Variants in CTNNA2 observed in about 807,000 individuals in gnomAD.
CTNNA2 encodes the protein catenin alpha-2.
A neutral mutation model predicts 101.0 loss-of-function variants in CTNNA2; 42 were observed. The observed-to-expected ratio is 0.42, with a 90% CI of 0.32 to 0.54. The LOEUF (loss-of-function observed/expected upper bound fraction) is 0.54. Ranked by LOEUF, CTNNA2 falls within the 20% of genes least tolerant of loss-of-function variation. The pLI, the probability that CTNNA2 is intolerant of heterozygous loss-of-function variation, is 0.14. For synonymous variants in CTNNA2, 450 were observed against 456.4 expected, an observed-to-expected ratio of 0.99 and a Z score of 0.18; for missense variants, 871 against 1,223.1, an observed-to-expected ratio of 0.71 and a Z score of 4.29.
intron 3 of CTNNA2, among the ~76,000 whole-genome samples, chr2:79,823,063 C>T (rs1367966384): frequency 6.6e-6 from 1 of 152,092 alleles, no homozygotes; most frequent in Admixed American, 6.6e-5. Flanking sequence ...GGAAGAGTTC[C>T]TTATCAACTT....
chr2:79,187,714 A>C (rs1572969734), intron 1 of CTNNA2, among the ~76,000 whole-genome samples: 1 of 152,310 alleles, frequency 6.6e-6, no homozygotes, highest in East Asian at 1.9e-4. Context: ...GCTGCCTGTT[A>C]ATAATCAAAG....
intron 7 of CTNNA2, among the ~76,000 whole-genome samples, chr2:80,123,205 C>T (rs943288000): frequency 5.9e-5 from 9 of 152,192 alleles, no homozygotes; most frequent in Admixed American, 1.3e-4. Flanking sequence ...TTGCCTCATT[C>T]AGCTCCCAAG....
intron 7 of CTNNA2, among the ~76,000 whole-genome samples, chr2:80,071,980 C>A (rs1285073547): frequency 2.0e-5 from 3 of 152,272 alleles, no homozygotes; most frequent in Middle Eastern, 3.4e-3. Flanking sequence ...AGAAAATGTT[C>A]CAAATGCTTT....
At chr2:79,699,862 CAT>C (rs1684889362) in intron 2 of CTNNA2, among the ~76,000 whole-genome samples, 3 of 143,502 alleles carry the variant, frequency 2.1e-5, no homozygotes, top group Admixed American at 7.0e-5. Flanking sequence ...TATTTATATA[CAT>C]ATGTGTGTAT....
At chr2:79,342,597 G>C (rs1423446936) in intron 3 of CTNNA2, among the ~76,000 whole-genome samples, 5 of 152,048 alleles carry the variant, frequency 3.3e-5, no homozygotes, top group Non-Finnish European at 7.4e-5. Flanking sequence ...TTATCTAGGG[G>C]TACATTTGCA....
At chr2:79,812,910 C>T (rs1481091378) in intron 3 of CTNNA2, among the ~76,000 whole-genome samples, 1 of 152,076 alleles carries the variant, frequency 6.6e-6, no homozygotes, top group Non-Finnish European at 1.5e-5. Context: ...GAAAGCTCAG[C>T]CTCCACACCC....
intron 2 of CTNNA2, among the ~76,000 whole-genome samples, chr2:79,244,031 T>A (rs1674666991): frequency 6.6e-6 from 1 of 152,198 alleles, no homozygotes; most frequent in Non-Finnish European, 1.5e-5. Context: ...TCTGAGGCAC[T>A]AATTTCACTG....
chr2:80,228,211 C>T (rs79078834), intron 7 of CTNNA2, among the ~76,000 whole-genome samples: 10,540 of 152,202 alleles, frequency 0.069, 599 homozygotes, highest in South Asian at 0.29. Context: ...TTTGACCAGG[C>T]GATTTATAAA....
intron 2 of CTNNA2, among the ~76,000 whole-genome samples, chr2:79,214,600 G>T (rs900783685): frequency 6.6e-6 from 1 of 152,084 alleles, no homozygotes; most frequent in Non-Finnish European, 1.5e-5. Context: ...GTTTTAATGG[G>T]ATGGTAATGG....
chr2:79,922,136 T>C (rs1485372899), intron 7 of CTNNA2, among the ~76,000 whole-genome samples: 1 of 152,150 alleles, frequency 6.6e-6, no homozygotes, highest in Non-Finnish European at 1.5e-5. Flanking sequence ...TTAATCACAT[T>C]TTCACAGTGT....
intron 16 of CTNNA2, among the ~76,000 whole-genome samples, chr2:80,604,816 A>G (rs946239044): frequency 6.6e-6 from 1 of 151,718 alleles, no homozygotes; most frequent in Admixed American, 6.6e-5. Flanking sequence ...GTTGTCGCGG[A>G]CTCTACCAGG....
At chr2:79,258,637 T>C (rs1674877954) in intron 2 of CTNNA2, among the ~76,000 whole-genome samples, 1 of 152,046 alleles carries the variant, frequency 6.6e-6, no homozygotes, top group African/African-American at 2.4e-5. Context: ...GAAAATAGAT[T>C]GCTCACTGGA....
rs372924495 is a variant in CTNNA2 at position 79,818,821 on chromosome 2, T to TTATATATA, written c.299-39172_299-39165dup. Among the ~76,000 whole-genome samples, 115 of 74,252 alleles carry TTATATATA rather than the reference T, an allele frequency of 1.5e-3. 2 individuals carry two copies. Among genetic ancestry groups the TTATATATA allele is most frequent in the African/African-American group, 7.9e-3 (107 of 13,596 alleles). The allele number at this position is 74,252 out of a possible 152,430, so 48.7% of individuals were successfully genotyped here. On this transcript the variant is annotated intron_variant, in intron 3 of 18. Transcript: ENST00000402739. The stretch of plus-strand genomic sequence containing the variant: ...ATATACTTCAGGATCCAAAATGCAA[T>TTATATATA]TATATATATATATATATATATATAT...
intron 4 of CTNNA2, among the ~76,000 whole-genome samples, chr2:79,487,591 G>T (rs1385668369): frequency 1.3e-5 from 2 of 152,166 alleles, no homozygotes; most frequent in African/African-American, 2.4e-5. Flanking sequence ...AAGTGCTCCA[G>T]TGGTCAGCTG....
intron 3 of CTNNA2, among the ~76,000 whole-genome samples, chr2:79,747,599 G>C (rs928266854): frequency 1.3e-5 from 2 of 152,102 alleles, no homozygotes; most frequent in African/African-American, 4.8e-5. Flanking sequence ...TTACAAGTTA[G>C]TTTTCACACA....
At chr2:79,260,734 A>G (rs774659347) in intron 2 of CTNNA2, among the ~76,000 whole-genome samples, 4 of 152,082 alleles carry the variant, frequency 2.6e-5, no homozygotes, top group Non-Finnish European at 4.4e-5. Context: ...CATGGCTTAC[A>G]CTAATTAGCA....
intron 7 of CTNNA2, among the ~76,000 whole-genome samples, chr2:80,158,780 G>A (rs867802285): frequency 2.6e-5 from 4 of 152,064 alleles, no homozygotes; most frequent in African/African-American, 7.2e-5. Context: ...GCATGGTGGC[G>A]GGTGCCTGTA....
At chr2:79,781,136 GTTTC>G (rs2105199906) in intron 3 of CTNNA2, among the ~76,000 whole-genome samples, 1 of 152,262 alleles carries the variant, frequency 6.6e-6, no homozygotes, top group South Asian at 2.1e-4. Flanking sequence ...TTTTGTGGTT[GTTTC>G]TTGATTATAT....
At chr2:80,489,332 A>T (rs1248451108) in intron 9 of CTNNA2, among the ~76,000 whole-genome samples, 1 of 152,234 alleles carries the variant, frequency 6.6e-6, no homozygotes, top group Admixed American at 6.5e-5. Context: ...AGTAAAAATC[A>T]GTTCATTTTA....
Sources: gnomAD v4.1 joint callset for allele counts (sites outside exome capture counted in the v4.1 genomes callset) on GRCh38, gnomAD v4.1.1 for gene constraint, MANE v1.5 for transcripts, NCBI Gene and HGNC (gene_info 2026-07-23, HGNC 2026-07-21) for gene names.